The following DNAH6 variants were observed in gnomAD, a reference collection of about 807,000 sequenced individuals.
DNAH6 encodes dynein axonemal heavy chain 6.
Under a neutral mutation model 491.4 loss-of-function variants are expected in DNAH6, and 340 were observed. The ratio of observed to expected loss-of-function variants is 0.69; its 90% CI spans 0.63 to 0.76. The LOEUF (loss-of-function observed/expected upper bound fraction) is 0.76. DNAH6 is among the 30% of genes least tolerant of loss of function. The pLI is 0.00. For synonymous variants in DNAH6, 1,603 were observed against 1,686.1 expected, an observed-to-expected ratio of 0.95 and a Z score of 1.21; for missense variants, 4,443 against 4,972.2, an observed-to-expected ratio of 0.89 and a Z score of 3.20.
intron 38 of DNAH6, 80 bp from the exon 39 acceptor site, chr2:84,670,248 A>T: frequency 1.0e-6 from 1 of 962,988 alleles, no homozygotes; most frequent in Non-Finnish European, 1.5e-6. Flanking sequence ...CCTGTTTCTT[A>T]CTCATTGTGC....
At chr2:84,624,651 A>T in intron 28 of DNAH6, 31 bp downstream of exon 28, 1 of 1,538,966 alleles carries the variant, frequency 6.5e-7, no homozygotes, top group Non-Finnish European at 8.8e-7. Flanking sequence ...GTTAATATTG[A>T]CACAAGAGTG....
the DNAH6 span, among the ~76,000 whole-genome samples, chr2:84,491,659 T>C: frequency 6.6e-6 from 1 of 152,196 alleles, no homozygotes; most frequent in Non-Finnish European, 1.5e-5. Context: ...AAGTGTTCTT[T>C]CTCCCAGATC....
the DNAH6 span, among the ~76,000 whole-genome samples, chr2:84,508,310 C>T: frequency 2.4e-4 from 37 of 152,300 alleles, no homozygotes; most frequent in African/African-American, 7.9e-4. Context: ...GTGTATGTGT[C>T]GAGGAATTTA....
At position 84,805,617 on chromosome 2, in the gene DNAH6, T is replaced by A. The variant is rs1573865311; in HGVS notation, c.11482-48T>A. ...TAATTATGTGTGCTGCAAATTTGTT[T>A]TCTGAGAATTTGAGTCTTCACTGTT... On this transcript the variant is annotated intron_variant, in intron 70 of 76. Coordinates refer to ENST00000389394, the MANE Select transcript of DNAH6 (RefSeq NM_001370.2). The A allele has an allele frequency of 7.5e-6, 11 of 1,457,526 alleles. No individual in the cohort carries two copies. The East Asian group carries it at 2.8e-4, about 38-fold the overall frequency. 90.3% of individuals were successfully genotyped at this position (1,457,526 alleles called of 1,614,324 possible).
chr2:84,512,335 T>C (rs1056127682), upstream of DNAH6, among the ~76,000 whole-genome samples: 1 of 152,156 alleles, frequency 6.6e-6, no homozygotes, highest in South Asian at 2.1e-4. Flanking sequence ...TGATGGAAGA[T>C]GGAAGGGCAA....
chr2:84,669,221 T>G (rs958323372), intron 37 of DNAH6, 68 bp from the exon 38 acceptor site: 3 of 1,209,916 alleles, frequency 2.5e-6, no homozygotes, highest in Non-Finnish European at 3.6e-6. Flanking sequence ...TCTATGTGAG[T>G]GTATCTACTA....
intron 72 of DNAH6, among the ~76,000 whole-genome samples, chr2:84,809,465 A>G (rs866728547): frequency 1.3e-5 from 2 of 152,198 alleles, no homozygotes; most frequent in Middle Eastern, 6.8e-3. Flanking sequence ...CCTTGGGACT[A>G]TGGCATCTAG....
chr2:84,635,888 C>G (rs1189828599), intron 30 of DNAH6, among the ~76,000 whole-genome samples: 1 of 152,160 alleles, frequency 6.6e-6, no homozygotes, highest in Non-Finnish European at 1.5e-5. Flanking sequence ...CCATCCTGGT[C>G]TTCCCTGTAT....
chr2:84,481,878 T>C, the DNAH6 span, among the ~76,000 whole-genome samples: 2 of 152,246 alleles, frequency 1.3e-5, no homozygotes, highest in African/African-American at 2.4e-5. Context: ...CCTAGAGTAC[T>C]GGTTCAGCTA....
chr2:84,817,159 A>T (rs577585469), intron 76 of DNAH6, among the ~76,000 whole-genome samples: 4 of 152,298 alleles, frequency 2.6e-5, no homozygotes, highest in African/African-American at 9.6e-5. Context: ...TAGATATACC[A>T]AAGTGATACT....
chr2:84,708,577 AAGG>A (rs1273911965), intron 54 of DNAH6, among the ~76,000 whole-genome samples: 2 of 148,724 alleles, frequency 1.3e-5, no homozygotes, highest in East Asian at 2.0e-4. Context: ...AGAGGGAAGG[AAGG>A]AGGAAGGAAG....
chr2:84,761,785 CACAT>C (rs1018477284), intron 63 of DNAH6, among the ~76,000 whole-genome samples: 3 of 135,874 alleles, frequency 2.2e-5, no homozygotes, highest in African/African-American at 5.7e-5. Context: ...TACACACACA[CACAT>C]ACACACACAC....
chr2:84,520,815 A>G (rs1261020210), intron 2 of DNAH6, among the ~76,000 whole-genome samples: 1 of 152,056 alleles, frequency 6.6e-6, no homozygotes, highest in Non-Finnish European at 1.5e-5. Flanking sequence ...TCTACCAATA[A>G]TGGGCATTTA....
At chr2:84,492,144 A>G in the DNAH6 span, among the ~76,000 whole-genome samples, 1 of 152,190 alleles carries the variant, frequency 6.6e-6, no homozygotes, top group Non-Finnish European at 1.5e-5. Flanking sequence ...ATGATTCAAC[A>G]CACTATGTCA....
Position 84,525,506 on chromosome 2 carries a change from A to C in DNAH6, c.226-59A>C, listed in dbSNP as rs9784108. 44,832 of 1,486,364 alleles carry C rather than the reference A, an allele frequency of 0.03. 3,176 individuals carry two copies. The highest frequency in any genetic ancestry group is 0.28 in the African/African-American group (19,484 of 69,900). 92.1% of individuals were successfully genotyped at this position (1,486,364 alleles called of 1,614,324 possible). On this transcript the variant is annotated intron_variant, in intron 2 of 76. Coordinates refer to ENST00000389394, the MANE Select transcript of DNAH6 (RefSeq NM_001370.2). Reference sequence around the variant, plus strand: ...GAGAAAGAGTCCAAAGGTAGTGAAAAATAAAACAAGTTTATACGAATGTTA... The same window carrying C: ...GAGAAAGAGTCCAAAGGTAGTGAAACATAAAACAAGTTTATACGAATGTTA...
intron 71 of DNAH6, 99 bp from the exon 72 acceptor site, chr2:84,808,316 C>G (rs1679638538): frequency 7.6e-7 from 1 of 1,316,746 alleles, no homozygotes. Context: ...ATGAGAGAAG[C>G]TGGCTTTTTA....
chr2:84,814,082 A>G lies in DNAH6; in HGVS notation c.12110A>G (p.Lys4037Arg). 6.4e-7 allele frequency: 1 copy of G among 1,551,742 alleles called. No individual in the cohort carries two copies. The highest frequency in any genetic ancestry group is 8.7e-7 in the Non-Finnish European group (1 of 1,146,986). ...RDQAAVIEAA[K>R]TVQFGQELPM... ...CAAGCTGCAGTGATAGAAGCTGCCA[A>G]GACAGTGCAATTTGGACAAGAACTG... The change falls in exon 75 of 77, where the codon AAG becomes AGG. Residue 4037 changes from lysine (K) to arginine (R), a missense_variant. Around this residue, in one of 3 missense-constraint regions of DNAH6, gnomAD observed 1,463 missense variants for 1,656.6 expected, o/e 0.88. Transcript: ENST00000389394.
intron 51 of DNAH6, among the ~76,000 whole-genome samples, 170 bp downstream of exon 51, chr2:84,704,472 TA>T: frequency 6.6e-6 from 1 of 152,332 alleles, no homozygotes; most frequent in East Asian, 1.9e-4. Context: ...TATTTTGTAC[TA>T]GATGGTGGAA....
intron 62 of DNAH6, 109 bp from the exon 63 acceptor site, chr2:84,744,971 G>A: frequency 1.4e-6 from 1 of 702,052 alleles, no homozygotes; most frequent in Non-Finnish European, 2.2e-6. Flanking sequence ...GTATACTTGT[G>A]GTTAAAACTG....
Sources: allele counts gnomAD v4.1 joint callset (sites outside exome capture counted in the v4.1 genomes callset), GRCh38; gene constraint gnomAD v4.1.1; regional missense constraint gnomAD v4.1.1; transcripts MANE v1.5; gene names NCBI Gene and HGNC (gene_info 2026-07-23, HGNC 2026-07-21).